CDH13: variants seen among roughly 807,000 people sequenced by gnomAD.
CDH13 encodes the protein cadherin 13, also known as cadherin-13.
Under a neutral mutation model 63.8 loss-of-function variants are expected in CDH13, and 24 were observed. The ratio of observed to expected loss-of-function variants is 0.38; its 90% CI spans 0.27 to 0.53. The LOEUF is 0.53. Ranked by LOEUF, CDH13 falls within the 20% of genes least tolerant of loss-of-function variation. CDH13 has a pLI of 0.85. For synonymous variants in CDH13, 503 were observed against 355.3 expected (o/e 1.42, Z -4.67); for missense variants, 1,049 against 903.1 (o/e 1.16, Z -2.07).
chr16:83,447,163 C>CCAGCT (rs2151504937), intron 6 of CDH13, among the ~76,000 whole-genome samples: 1 of 123,110 alleles, frequency 8.1e-6, no homozygotes, highest in Non-Finnish European at 1.6e-5. Flanking sequence ...GCCTGTAATC[C>CCAGCT]CAGCTCTTTG....
At chr16:83,758,844 A>G (rs1913724002) in intron 11 of CDH13, among the ~76,000 whole-genome samples, 1 of 152,252 alleles carries the variant, frequency 6.6e-6, no homozygotes, top group Non-Finnish European at 1.5e-5. Context: ...CTCTACAATG[A>G]AAACTACAAA....
chr16:83,705,164 G>C (rs1019081386), intron 10 of CDH13, among the ~76,000 whole-genome samples: 4 of 152,126 alleles, frequency 2.6e-5, no homozygotes, highest in Admixed American at 1.3e-4. Flanking sequence ...ATTCTTATAG[G>C]TTAATAAGTG....
chr16:82,992,992 G>A (rs1311213159), intron 2 of CDH13, among the ~76,000 whole-genome samples: 1 of 152,176 alleles, frequency 6.6e-6, no homozygotes, highest in African/African-American at 2.4e-5. Flanking sequence ...TCTCGTGGCT[G>A]AAGCAAAGTC....
At chr16:83,153,822 GT>G (rs1414958643) in intron 4 of CDH13, among the ~76,000 whole-genome samples, 1 of 152,106 alleles carries the variant, frequency 6.6e-6, no homozygotes, top group Non-Finnish European at 1.5e-5. Flanking sequence ...TGGCATTTCG[GT>G]TTTTTGTGGT....
At chr16:83,196,375 G>A (rs1490802092) in intron 4 of CDH13, among the ~76,000 whole-genome samples, 1 of 152,142 alleles carries the variant, frequency 6.6e-6, no homozygotes, top group Non-Finnish European at 1.5e-5. Context: ...TCTAAGGCTA[G>A]GCAGAGTTCT....
At chr16:83,470,231 C>CT (rs983917517) in intron 6 of CDH13, among the ~76,000 whole-genome samples, 6 of 152,018 alleles carry the variant, frequency 3.9e-5, no homozygotes, top group African/African-American at 1.4e-4. Flanking sequence ...TAGATTTTTG[C>CT]TTTTTTTAGA....
chr16:83,409,833 G>T (rs1006126037), intron 6 of CDH13, among the ~76,000 whole-genome samples: 24 of 152,158 alleles, frequency 1.6e-4, no homozygotes, highest in African/African-American at 5.3e-4. Flanking sequence ...AGTAAGTCTG[G>T]GTTATTTAAC....
chr16:82,948,669 A>C (rs2151319761), intron 2 of CDH13, among the ~76,000 whole-genome samples: 1 of 152,302 alleles, frequency 6.6e-6, no homozygotes, highest in African/African-American at 2.4e-5. Context: ...CTCTGCTACT[A>C]GTCACTTTCA....
chr16:83,331,810 G>A (rs752422468), intron 5 of CDH13, among the ~76,000 whole-genome samples: 6 of 152,152 alleles, frequency 3.9e-5, no homozygotes, highest in Non-Finnish European at 8.8e-5. Flanking sequence ...CTGCAATGCA[G>A]TGTTGTACTT....
At chr16:83,208,452 A>G (rs2039243581) in intron 4 of CDH13, among the ~76,000 whole-genome samples, 1 of 151,990 alleles carries the variant, frequency 6.6e-6, no homozygotes, top group Non-Finnish European at 1.5e-5. Flanking sequence ...CTGAACAGCT[A>G]TAGGTAAAGG....
chr16:82,942,563 G>A (rs189932688), intron 2 of CDH13, among the ~76,000 whole-genome samples: 15 of 152,266 alleles, frequency 9.9e-5, no homozygotes, highest in East Asian at 5.8e-4. Context: ...TACTTTGTGC[G>A]TCTGCATTCT....
intron 10 of CDH13, among the ~76,000 whole-genome samples, chr16:83,745,712 C>T (rs1333679289): frequency 6.6e-6 from 1 of 152,172 alleles, no homozygotes; most frequent in East Asian, 1.9e-4. Flanking sequence ...CATTGCAGCC[C>T]CCAAGATGAC....
intron 1 of CDH13, among the ~76,000 whole-genome samples, chr16:82,759,434 A>G (rs1477690492): frequency 6.6e-6 from 1 of 151,796 alleles, no homozygotes; most frequent in Non-Finnish European, 1.5e-5. Flanking sequence ...CTTCATCTAA[A>G]TGAAGTCTGT....
chr16:83,015,519 C>T (rs1914670701), intron 2 of CDH13, among the ~76,000 whole-genome samples: 1 of 150,932 alleles, frequency 6.6e-6, no homozygotes, highest in African/African-American at 2.4e-5. Flanking sequence ...TCCAAAGGTC[C>T]TCACTTTGTA....
intron 1 of CDH13, among the ~76,000 whole-genome samples, chr16:82,713,332 C>G (rs11646411): frequency 0.11 from 16,170 of 152,134 alleles, 964 homozygotes; most frequent in South Asian, 0.23. Context: ...CCACTGCGCT[C>G]AGAACTAGGA....
chr16:83,359,277 C>T (rs536859919), intron 6 of CDH13, among the ~76,000 whole-genome samples: 117 of 152,202 alleles, frequency 7.7e-4, no homozygotes, highest in Non-Finnish European at 1.5e-3. Context: ...CCTCTCTGGG[C>T]TTTGAGTAAC....
intron 6 of CDH13, among the ~76,000 whole-genome samples, chr16:83,454,261 T>G (rs1333034437): frequency 6.6e-6 from 1 of 152,236 alleles, no homozygotes; most frequent in East Asian, 1.9e-4. Context: ...TGGGCATAGC[T>G]TGTGGGTGTC....
intron 10 of CDH13, among the ~76,000 whole-genome samples, chr16:83,696,957 G>A (rs115140838): frequency 0.015 from 2,256 of 152,178 alleles, 63 homozygotes; most frequent in African/African-American, 0.052. Flanking sequence ...GGCTGGCCTC[G>A]GTGCTGAGCT....
At chr16:83,699,643 G>T (rs1168442052) in intron 10 of CDH13, among the ~76,000 whole-genome samples, 2 of 151,884 alleles carry the variant, frequency 1.3e-5, no homozygotes, top group Non-Finnish European at 2.9e-5. Context: ...ACACGTGTAT[G>T]TGCACACGCA....
Sources: allele counts gnomAD v4.1 joint callset (sites outside exome capture counted in the v4.1 genomes callset), GRCh38; gene constraint gnomAD v4.1.1; transcripts MANE v1.5; gene names NCBI Gene and HGNC (gene_info 2026-07-23, HGNC 2026-07-21).